The following NUP133 variants were observed in gnomAD, a reference collection of about 807,000 sequenced individuals.
NUP133 encodes the protein nucleoporin 133, also known as nuclear pore complex protein Nup133.
Under a neutral mutation model 146.2 loss-of-function variants are expected in NUP133, and 66 were observed. That is an observed-to-expected ratio of 0.45 (90% CI 0.37 to 0.55). NUP133 has a LOEUF of 0.55. Among genes scored for constraint, NUP133 ranks in the 20% least tolerant of loss-of-function variants. NUP133 has a pLI of 0.00. For missense variants in NUP133, 1,277 were observed against 1,374.8 expected (o/e 0.93, Z 1.12); for synonymous variants, 521 against 498.8 (o/e 1.04, Z -0.59).
At chr1:229,470,319 AG>A (rs1253560226) in intron 15 of NUP133, among the ~76,000 whole-genome samples, 3 of 152,152 alleles carry the variant, frequency 2.0e-5, no homozygotes, top group Admixed American at 2.0e-4. Context: ...CAGCATGCAA[AG>A]CAAATAGGTA....
At chr1:229,480,856 T>G (rs1661194350) in intron 12 of NUP133, among the ~76,000 whole-genome samples, 1 of 151,122 alleles carries the variant, frequency 6.6e-6, no homozygotes, top group South Asian at 2.1e-4. Flanking sequence ...CCAGCTATTT[T>G]TTTTTTTTTT....
At chr1:229,462,612 T>C (rs1485318743) in intron 19 of NUP133, among the ~76,000 whole-genome samples, 2 of 152,182 alleles carry the variant, frequency 1.3e-5, no homozygotes, top group South Asian at 2.1e-4. Flanking sequence ...CTAGCTGTGG[T>C]GTAGTGGCAC....
intron 24 of NUP133, among the ~76,000 whole-genome samples, chr1:229,446,316 G>A (rs1416687632): frequency 1.3e-5 from 2 of 152,178 alleles, no homozygotes; most frequent in African/African-American, 2.4e-5. Context: ...GACTGAGGTA[G>A]GAGAATCGCT....
chr1:229,502,468 A>T (rs1490275021), intron 2 of NUP133, among the ~76,000 whole-genome samples: 1 of 148,846 alleles, frequency 6.7e-6, no homozygotes, highest in Admixed American at 6.7e-5. Flanking sequence ...CTGAGGCAAG[A>T]GAATCGCTTG....
rs1660756957 is a variant in NUP133 at position 229,464,112 on chromosome 1, T to A, written c.2552-436A>T. The stretch of plus-strand genomic sequence containing the variant: ...GTGAGCTGAGATTATACCACTGCAC[T>A]ACAGCCTGGGCGAGAGAGTGACGCT... On this transcript the variant is annotated intron_variant, in intron 18 of 25. Coordinates refer to ENST00000261396, the MANE Select transcript of NUP133 (RefSeq NM_018230.3). Among the ~76,000 whole-genome samples, 2 of 152,050 alleles carry A rather than the reference T, an allele frequency of 1.3e-5. 1 individual carries two copies. The highest frequency in any genetic ancestry group is 4.1e-4 in the South Asian group (2 of 4,822).
At chr1:229,485,265 G>A (rs1429510242) in intron 11 of NUP133, among the ~76,000 whole-genome samples, 1 of 152,216 alleles carries the variant, frequency 6.6e-6, no homozygotes, top group Non-Finnish European at 1.5e-5. Context: ...GACAGGAGAT[G>A]AGGCCACCTA....
intron 19 of NUP133, among the ~76,000 whole-genome samples, chr1:229,462,460 C>G (rs1303074574): frequency 6.6e-6 from 1 of 151,982 alleles, no homozygotes; most frequent in Non-Finnish European, 1.5e-5. Flanking sequence ...TACAATATCA[C>G]TTTTACAGTA....
In NUP133 at chr1:229,505,495, G is replaced by A. The variant is rs575926479; in HGVS notation, c.301+545C>T. On this transcript the variant is annotated intron_variant, in intron 2 of 25. Transcript: ENST00000261396. ...CTGTACAGTACCTAAAACCATTAAA[G>A]ACTTAATTTGATTGTGTTCAAATGA... Among the ~76,000 whole-genome samples, 442 of 131,208 alleles carry A rather than the reference G, an allele frequency of 3.4e-3. 2 individuals are homozygous for A. The highest frequency in any genetic ancestry group is 0.012 in the African/African-American group (430 of 34,622). The allele number at this position is 131,208 out of a possible 152,430, so 86.1% of individuals were successfully genotyped here.
At chr1:229,455,706 G>C (rs1162766474) in intron 21 of NUP133, among the ~76,000 whole-genome samples, 1 of 152,072 alleles carries the variant, frequency 6.6e-6, no homozygotes, top group African/African-American at 2.4e-5. Context: ...TATGTATATA[G>C]GTAATTTTTT....
At chr1:229,508,030 G>A (rs761806316) in intron 1 of NUP133, 38 bp downstream of exon 1, 2 of 1,422,876 alleles carry the variant, frequency 1.4e-6, no homozygotes, top group South Asian at 3.1e-5. Flanking sequence ...GGCCCGTGAG[G>A]CTGTTGGTTG....
intron 13 of NUP133, among the ~76,000 whole-genome samples, chr1:229,476,705 CCT>C: frequency 1.3e-5 from 2 of 152,176 alleles, no homozygotes; most frequent in East Asian, 3.9e-4. Context: ...GGGTGGACCA[CCT>C]GAGGTCAGGA....
intron 13 of NUP133, 67 bp from the exon 14 acceptor site, chr1:229,475,799 G>T: frequency 8.1e-7 from 1 of 1,234,732 alleles, no homozygotes; most frequent in Non-Finnish European, 1.2e-6. Context: ...TAATATCAGT[G>T]GCTAACTGCT....
chr1:229,483,508 T>C (rs1033777050), intron 12 of NUP133, among the ~76,000 whole-genome samples: 1 of 151,870 alleles, frequency 6.6e-6, no homozygotes, highest in African/African-American at 2.4e-5. Context: ...AGTTTGAGAC[T>C]AGCCTGGCCA....
At chr1:229,462,096 C>G (rs1270277806) in intron 19 of NUP133, among the ~76,000 whole-genome samples, 1 of 152,204 alleles carries the variant, frequency 6.6e-6, no homozygotes, top group Non-Finnish European at 1.5e-5. Context: ...GTTGGCCAGG[C>G]TGGTCTCGAA....
intron 2 of NUP133, among the ~76,000 whole-genome samples, chr1:229,504,834 T>C (rs914747831): frequency 1.3e-5 from 2 of 152,194 alleles, no homozygotes; most frequent in Non-Finnish European, 2.9e-5. Context: ...AGTTGTAAAT[T>C]GCATGCTGTT....
At position 229,460,609 on chromosome 1, in the gene NUP133, AC is replaced by A; in HGVS notation, c.2844+1del. The A allele has an allele frequency of 6.2e-7, 1 of 1,611,588 alleles. No individual in the cohort carries two copies. The highest frequency in any genetic ancestry group is 8.5e-7 in the Non-Finnish European group (1 of 1,179,222). On this transcript the variant is annotated splice_donor_variant, in intron 20 of 25. Coordinates refer to ENST00000261396, the MANE Select transcript of NUP133 (RefSeq NM_018230.3). LOFTEE classifies it high-confidence loss of function. ...TCTGCTCCATAGAAAAATCCTTCTT[AC>A]CTTTTCTAATTCTTGGCTATTAATT...
chr1:229,495,596 T>C, intron 7 of NUP133, 31 bp from the exon 8 acceptor site: 1 of 1,471,452 alleles, frequency 6.8e-7, no homozygotes, highest in East Asian at 2.3e-5. Context: ...TGTAAGCTTC[T>C]CAAGTGCAGG....
At chr1:229,460,799 A>T (rs1360207586) in intron 19 of NUP133, 30 bp from the exon 20 acceptor site, 1 of 1,561,174 alleles carries the variant, frequency 6.4e-7, no homozygotes, top group Non-Finnish European at 8.7e-7. Context: ...GAATTCATTC[A>T]TAATAGTTTA....
At position 229,508,291 on chromosome 1, in the gene NUP133, G is replaced by T. The variant is rs1167970317; in HGVS notation, c.-42C>A. The T allele has an allele frequency of 1.5e-6, 2 of 1,378,560 alleles. No individual in the cohort carries two copies. The allele number at this position is 1,378,560 out of a possible 1,614,324, so 85.4% of individuals were successfully genotyped here. The stretch of plus-strand genomic sequence containing the variant: ...GACTAGGACAGCGAGGGATCTGGCC[G>T]TCAGGTTGCAGCCTGGCCTGCGCGC... On this transcript the variant is annotated 5_prime_UTR_variant, in exon 1 of 26. Transcript: ENST00000261396.
Sources: gnomAD v4.1 joint callset for allele counts (sites outside exome capture counted in the v4.1 genomes callset) on GRCh38, gnomAD v4.1.1 for gene constraint, MANE v1.5 for transcripts, NCBI Gene and HGNC (gene_info 2026-07-23, HGNC 2026-07-21) for gene names.